Variants in RBMS3 observed in about 807,000 individuals in gnomAD.
RBMS3 encodes RNA-binding motif, single-stranded-interacting protein 3.
In RBMS3, 27 loss-of-function variants were observed where a neutral mutation model predicts 66.8. That is an observed-to-expected ratio of 0.40 (90% CI 0.30 to 0.56). The LOEUF (loss-of-function observed/expected upper bound fraction) is 0.56, where lower values mean the gene tolerates loss of function less well. Among genes scored for constraint, RBMS3 ranks in the 20% least tolerant of loss-of-function variants. RBMS3 has a pLI of 0.40. For synonymous variants in RBMS3, 188 were observed against 183.0 expected (o/e 1.03, Z -0.22); for missense variants, 513 against 549.5 (o/e 0.93, Z 0.66).
chr3:29,991,175 G>A lies in RBMS3; in HGVS notation c.1273G>A (p.Glu425Lys), dbSNP rs754919318. The A allele has an allele frequency of 5.1e-5, 83 of 1,614,096 alleles. No homozygotes were observed. The highest frequency in any genetic ancestry group is 1.7e-4 in the African/African-American group (13 of 75,004). ...ACAGATAGCAGTGGACACATCCAAC[G>A]AACATGCACCTGCATATTCTTACCA... is the stretch of plus-strand genomic sequence containing the variant. The part of the protein sequence containing the change: ...QQQIAVDTSN[E>K]HAPAYSYQQS... The change falls in exon 14 of 15, where the codon GAA (glutamate) becomes AAA (lysine). Residue 425 changes from glutamate (E) to lysine (K), a missense_variant. By Grantham distance (56) the Glu-to-Lys change is moderately conservative (BLOSUM62 1). Transcript: ENST00000383767.
At chr3:29,961,272 C>T (rs1696423465) in intron 12 of RBMS3, among the ~76,000 whole-genome samples, 1 of 152,162 alleles carries the variant, frequency 6.6e-6, no homozygotes, top group South Asian at 2.1e-4. Flanking sequence ...TTTCTTATCT[C>T]CGTCTGAGAC....
chr3:29,709,623 A>G (rs994291380), intron 4 of RBMS3, among the ~76,000 whole-genome samples: 12 of 152,320 alleles, frequency 7.9e-5, no homozygotes, highest in African/African-American at 2.4e-4. Context: ...TGCCAATTCA[A>G]TTATCTACAA....
intron 1 of RBMS3, among the ~76,000 whole-genome samples, chr3:29,358,980 T>C (rs2037397816): frequency 6.6e-6 from 1 of 152,202 alleles, no homozygotes; most frequent in Non-Finnish European, 1.5e-5. Flanking sequence ...TATACAATCA[T>C]GTCATCTGCA....
At chr3:29,993,370 A>T (rs993986927) in intron 14 of RBMS3, among the ~76,000 whole-genome samples, 13 of 152,208 alleles carry the variant, frequency 8.5e-5, no homozygotes, top group African/African-American at 2.9e-4. Flanking sequence ...TGTATAAAGC[A>T]TAGCAAGAGA....
At chr3:29,860,414 C>A (rs868455549) in intron 6 of RBMS3, among the ~76,000 whole-genome samples, 1 of 152,100 alleles carries the variant, frequency 6.6e-6, no homozygotes, top group South Asian at 2.1e-4. Flanking sequence ...TGTGCTAGTT[C>A]ATAATTTGGC....
intron 1 of RBMS3, among the ~76,000 whole-genome samples, chr3:29,405,636 G>A (rs902335688): frequency 1.3e-5 from 2 of 152,012 alleles, no homozygotes; most frequent in East Asian, 1.9e-4. Context: ...ACACACTTAC[G>A]AACTTGCTTA....
At chr3:29,765,647 AT>A (rs2055889854) in intron 6 of RBMS3, 1 of 151,978 alleles carries the variant, frequency 6.6e-6, no homozygotes, top group South Asian at 2.1e-4. Context: ...ACTCACAGGG[AT>A]CCAATAATGA....
At chr3:29,595,520 A>T (rs1392853384) in intron 4 of RBMS3, among the ~76,000 whole-genome samples, 1 of 152,122 alleles carries the variant, frequency 6.6e-6, no homozygotes, top group East Asian at 1.9e-4. Context: ...TCATTTCTGG[A>T]TGTACTGTTG....
At chr3:29,333,267 G>C (rs2125519048) in intron 1 of RBMS3, among the ~76,000 whole-genome samples, 1 of 152,062 alleles carries the variant, frequency 6.6e-6, no homozygotes, top group East Asian at 1.9e-4. Context: ...ATCCTACCTG[G>C]TAGATTATTT....
chr3:29,395,271 G>A (rs1022166738), intron 1 of RBMS3, among the ~76,000 whole-genome samples: 2 of 152,130 alleles, frequency 1.3e-5, no homozygotes, highest in Non-Finnish European at 2.9e-5. Flanking sequence ...CTGGAATTAG[G>A]TATTAGCTTG....
chr3:29,809,373 T>A lies in RBMS3; in HGVS notation c.637+46384T>A, dbSNP rs1221825533. Among the ~76,000 whole-genome samples, 3 of 151,372 alleles carry A rather than the reference T, an allele frequency of 2.0e-5. No homozygotes were observed. The East Asian group carries it at 5.8e-4, about 29-fold the overall frequency. ...AAAAGATCCTGTTAAAATACCTAAG[T>A]CTTACTTTTGTTTCTTTAATCATGG... is the stretch of plus-strand genomic sequence containing the variant. On this transcript the variant is annotated intron_variant, in intron 6 of 14. Coordinates refer to ENST00000383767, the MANE Select transcript of RBMS3 (RefSeq NM_001003793.3).
intron 3 of RBMS3, among the ~76,000 whole-genome samples, chr3:29,525,239 A>T (rs1420556560): frequency 1.3e-5 from 2 of 152,140 alleles, no homozygotes; most frequent in African/African-American, 4.8e-5. Context: ...TGGGTTCTGC[A>T]TATGATTGTG....
At chr3:29,714,216 A>C (rs1327821940) in intron 4 of RBMS3, among the ~76,000 whole-genome samples, 1 of 152,186 alleles carries the variant, frequency 6.6e-6, no homozygotes, top group African/African-American at 2.4e-5. Context: ...ATATGAAGGA[A>C]TGGTTAAATT....
At chr3:29,609,466 G>A (rs1053795992) in intron 4 of RBMS3, among the ~76,000 whole-genome samples, 11 of 151,954 alleles carry the variant, frequency 7.2e-5, no homozygotes, top group Admixed American at 6.6e-4. Context: ...AGGCAGTCCA[G>A]AAGACACTTG....
chr3:29,891,211 AGC>A (rs2059994196), intron 8 of RBMS3, among the ~76,000 whole-genome samples: 1 of 151,654 alleles, frequency 6.6e-6, no homozygotes, highest in African/African-American at 2.4e-5. Context: ...CCCCGAAGTT[AGC>A]TTGATTGTTA....
At chr3:29,885,494 A>T (rs75886778) in intron 8 of RBMS3, among the ~76,000 whole-genome samples, 2,048 of 152,044 alleles carry the variant, frequency 0.013, 46 homozygotes, top group African/African-American at 0.047. Flanking sequence ...ATATTAAGTG[A>T]TAGTGACTGA....
Position 29,801,051 on chromosome 3 carries a change from G to T in RBMS3, c.637+38062G>T, listed in dbSNP as rs145891574. On this transcript the variant is annotated intron_variant, in intron 6 of 14. Coordinates refer to ENST00000383767, the MANE Select transcript of RBMS3 (RefSeq NM_001003793.3). The stretch of plus-strand genomic sequence containing the variant: ...CCTGTAAACGGAATGAATAAAGTGG[G>T]TCATAATAGTTGTACTACTGAAAGT... Among the ~76,000 whole-genome samples, 353 of 151,908 alleles carry T rather than the reference G, an allele frequency of 2.3e-3. 1 individual carries two copies. The highest frequency in any genetic ancestry group is 8.1e-3 in the African/African-American group (334 of 41,438).
intron 6 of RBMS3, among the ~76,000 whole-genome samples, chr3:29,768,593 A>G (rs1300641700): frequency 1.3e-5 from 2 of 151,890 alleles, no homozygotes; most frequent in Non-Finnish European, 2.9e-5. Context: ...TAGTTTCTTC[A>G]CTTTTCCACC....
intron 6 of RBMS3, among the ~76,000 whole-genome samples, chr3:29,851,633 GCTT>G (rs1350761768): frequency 6.6e-6 from 1 of 152,086 alleles, no homozygotes; most frequent in Admixed American, 6.5e-5. Flanking sequence ...AAGTTAATCT[GCTT>G]CTTAGAATTT....
Sources: gnomAD v4.1 joint callset for allele counts (sites outside exome capture counted in the v4.1 genomes callset) on GRCh38, gnomAD v4.1.1 for gene constraint, MANE v1.5 for transcripts, NCBI Gene and HGNC (gene_info 2026-07-23, HGNC 2026-07-21) for gene names.